NRG3: variants seen among roughly 807,000 people sequenced by gnomAD.
NRG3 encodes the protein pro-neuregulin-3, membrane-bound isoform.
In NRG3, 31 loss-of-function variants were observed where a neutral mutation model predicts 66.9. The observed-to-expected ratio is 0.46, with a 90% CI of 0.35 to 0.63. The LOEUF (loss-of-function observed/expected upper bound fraction) is 0.63. Ranked by LOEUF, NRG3 falls within the 20% of genes least tolerant of loss-of-function variation. NRG3 has a pLI of 0.00. For missense variants in NRG3, 910 were observed against 878.9 expected, an observed-to-expected ratio of 1.04 and a Z score of -0.45; for synonymous variants, 393 against 359.4, an observed-to-expected ratio of 1.09 and a Z score of -1.06.
intron 1 of NRG3, among the ~76,000 whole-genome samples, chr10:82,078,162 T>C (rs2065195934): frequency 1.3e-5 from 2 of 152,218 alleles, no homozygotes; most frequent in African/African-American, 2.4e-5. Context: ...ACTCTTGTTA[T>C]GTAAGTGTGG....
chr10:82,672,499 A>T (rs1379042645), intron 2 of NRG3, among the ~76,000 whole-genome samples: 1 of 152,184 alleles, frequency 6.6e-6, no homozygotes, highest in Non-Finnish European at 1.5e-5. Flanking sequence ...GTCAATGTGG[A>T]GAGTAGTAAT....
chr10:82,660,008 C>T (rs2052202777), intron 2 of NRG3, among the ~76,000 whole-genome samples: 1 of 151,350 alleles, frequency 6.6e-6, no homozygotes, highest in African/African-American at 2.4e-5. Flanking sequence ...CCAGCCTGGC[C>T]AACATGGTGA....
intron 1 of NRG3, among the ~76,000 whole-genome samples, chr10:82,169,343 C>G (rs1466812016): frequency 1.3e-5 from 2 of 151,418 alleles, no homozygotes; most frequent in Non-Finnish European, 2.9e-5. Flanking sequence ...ATTTTTTTTC[C>G]CACTTTTTAA....
At chr10:82,532,735 A>G (rs1427877163) in intron 2 of NRG3, among the ~76,000 whole-genome samples, 3 of 151,384 alleles carry the variant, frequency 2.0e-5, no homozygotes, top group African/African-American at 7.3e-5. Context: ...CAATGCACAT[A>G]GAAGTGCTAC....
At chr10:82,844,384 C>G (rs2063209140) in intron 3 of NRG3, among the ~76,000 whole-genome samples, 1 of 152,146 alleles carries the variant, frequency 6.6e-6, no homozygotes, top group South Asian at 2.1e-4. Context: ...GGGCTAACCC[C>G]GGATGCCAAA....
At chr10:82,187,076 T>C (rs138707925) in intron 1 of NRG3, among the ~76,000 whole-genome samples, 1 of 152,136 alleles carries the variant, frequency 6.6e-6, no homozygotes, top group South Asian at 2.1e-4. Flanking sequence ...TGTAATTGAG[T>C]TTATTTTCAT....
intron 2 of NRG3, among the ~76,000 whole-genome samples, chr10:82,467,072 T>C (rs76168508): frequency 5.0e-4 from 73 of 145,436 alleles, no homozygotes; most frequent in African/African-American, 1.5e-3. Flanking sequence ...GGGACCGTTA[T>C]TGAATTTTTA....
intron 4 of NRG3, among the ~76,000 whole-genome samples, chr10:82,886,233 AGT>A (rs1290793302): frequency 1.3e-5 from 2 of 152,270 alleles, no homozygotes; most frequent in African/African-American, 4.8e-5. Context: ...TTCATGGAAG[AGT>A]GTATTATTTT....
intron 1 of NRG3, among the ~76,000 whole-genome samples, chr10:82,285,316 A>G (rs2079357183): frequency 6.6e-6 from 1 of 152,200 alleles, no homozygotes; most frequent in South Asian, 2.1e-4. Flanking sequence ...TTCTGACTTC[A>G]GCAGATAAAG....
At chr10:81,998,012 G>A (rs1334275005) in intron 1 of NRG3, among the ~76,000 whole-genome samples, 1 of 152,000 alleles carries the variant, frequency 6.6e-6, no homozygotes, top group Admixed American at 6.6e-5. Context: ...GTCTTCATGT[G>A]TGATAATGTG....
At chr10:82,426,837 G>T (rs1036571182) in intron 2 of NRG3, among the ~76,000 whole-genome samples, 1 of 151,888 alleles carries the variant, frequency 6.6e-6, no homozygotes. Context: ...TTTTGGTAAA[G>T]ATGGAGTTTC....
intron 1 of NRG3, among the ~76,000 whole-genome samples, chr10:82,106,508 CTTT>C (rs542988401): frequency 7.0e-6 from 1 of 142,518 alleles, no homozygotes; most frequent in African/African-American, 2.6e-5. Flanking sequence ...CATAATTAGA[CTTT>C]TTTTTTTTTT....
intron 2 of NRG3, among the ~76,000 whole-genome samples, chr10:82,383,371 A>G (rs1216270181): frequency 1.3e-5 from 2 of 151,942 alleles, no homozygotes; most frequent in South Asian, 4.1e-4. Context: ...CAGAAATTCC[A>G]TGAATTCATA....
intron 1 of NRG3, among the ~76,000 whole-genome samples, chr10:82,120,992 G>C (rs765833): frequency 0.54 from 82,449 of 151,812 alleles, 25,221 homozygotes; most frequent in Non-Finnish European, 0.72. Context: ...TTTTGAAGCA[G>C]TACGATCAAA....
At chr10:82,814,240 C>T (rs115839079) in intron 3 of NRG3, among the ~76,000 whole-genome samples, 1,907 of 152,280 alleles carry the variant, frequency 0.013, 41 homozygotes, top group African/African-American at 0.044. Flanking sequence ...TATTTGTATA[C>T]ACTATTGAGT....
chr10:82,386,570 G>T lies in NRG3; in HGVS notation c.953+27702G>T, dbSNP rs890537594. ...TTATTCCTTTCTCATTTTCTCTAAAGAAATCTTATCGAACATTTAATCTCA... is the reference window on the plus strand; with the variant it reads ...TTATTCCTTTCTCATTTTCTCTAAATAAATCTTATCGAACATTTAATCTCA... On this transcript the variant is annotated intron_variant, in intron 2 of 8. Transcript: ENST00000372141. 5.3e-5 allele frequency among the ~76,000 whole-genome samples: 8 copies of T among 152,002 alleles called. No individual in the cohort carries two copies. The East Asian group carries it at 1.5e-3, about 29-fold the overall frequency.
intron 1 of NRG3, among the ~76,000 whole-genome samples, chr10:82,066,950 A>G (rs1191944559): frequency 6.6e-6 from 1 of 152,216 alleles, no homozygotes; most frequent in African/African-American, 2.4e-5. Context: ...ATCAACATAT[A>G]TAAGTAACTT....
At chr10:81,926,302 A>G (rs1019796669) in intron 1 of NRG3, among the ~76,000 whole-genome samples, 5 of 151,724 alleles carry the variant, frequency 3.3e-5, no homozygotes, top group African/African-American at 1.2e-4. Context: ...TTGTATTTTT[A>G]GTAGAGACAG....
intron 1 of NRG3, among the ~76,000 whole-genome samples, chr10:81,971,514 T>C (rs1370508632): frequency 6.6e-6 from 1 of 152,152 alleles, no homozygotes; most frequent in Non-Finnish European, 1.5e-5. Context: ...TCTGGCCCAG[T>C]TGGAGTAAAA....
Sources: gnomAD v4.1 joint callset for allele counts (sites outside exome capture counted in the v4.1 genomes callset) on GRCh38, gnomAD v4.1.1 for gene constraint, MANE v1.5 for transcripts, NCBI Gene and HGNC (gene_info 2026-07-23, HGNC 2026-07-21) for gene names.